Variants in DPEP1 observed in about 807,000 individuals in gnomAD.
DPEP1 encodes beta-lactamase.
A neutral mutation model predicts 42.3 loss-of-function variants in DPEP1; 50 were observed. That is an observed-to-expected ratio of 1.18 (90% CI 0.94 to 1.50). The LOEUF (loss-of-function observed/expected upper bound fraction) is 1.50. DPEP1 is among the 40% of genes most tolerant of loss of function. The pLI, the probability that DPEP1 is intolerant of heterozygous loss-of-function variation, is 0.00. For synonymous variants in DPEP1, 297 were observed against 234.0 expected, an observed-to-expected ratio of 1.27 and a Z score of -2.46; for missense variants, 663 against 553.0, an observed-to-expected ratio of 1.20 and a Z score of -1.99.
rs1195678145 is a variant in DPEP1 at position 89,637,479 on chromosome 16, C to T, written c.780C>T (p.Asp260=). ...TCCTTCTTGTGCAGAAACAGACAGACAGCCTGGTGATGGTGAACTTCTACA... is the reference window on the plus strand; with the variant it reads ...TCCTTCTTGTGCAGAAACAGACAGATAGCCTGGTGATGGTGAACTTCTACA... ...DDVLRLVKQT[D]SLVMVNFYNN... is the part of the protein sequence containing the mutation. The change falls in exon 8 of 11, where the codon GAC becomes GAT. Residue 260 remains aspartate, a synonymous_variant. Transcript: ENST00000690203. 5 of 1,612,746 alleles carry T rather than the reference C, an allele frequency of 3.1e-6. No individual in the cohort carries two copies. Among genetic ancestry groups the T allele is most frequent in the African/African-American group, 1.3e-5 (1 of 74,950 alleles).
intron 1 of DPEP1, chr16:89,616,857 C>G: frequency 4.4e-6 from 1 of 227,156 alleles, no homozygotes; most frequent in South Asian, 3.8e-5. Flanking sequence ...GGCCAGGAAG[C>G]AGGCAGGAAG....
intron 1 of DPEP1, among the ~76,000 whole-genome samples, chr16:89,626,103 AGGCCCT>A (rs1443296185): frequency 6.6e-6 from 1 of 152,132 alleles, no homozygotes; most frequent in African/African-American, 2.4e-5. Flanking sequence ...AGGCCCTGAG[AGGCCCT>A]GAGATTCTTG....
intron 1 of DPEP1, among the ~76,000 whole-genome samples, chr16:89,629,513 C>A (rs1166238164): frequency 6.6e-6 from 1 of 151,264 alleles, no homozygotes; most frequent in African/African-American, 2.4e-5. Context: ...CCCCCCACCC[C>A]CCCCCGAAGC....
Position 89,638,051 on chromosome 16 carries a change from G to C in DPEP1, c.1066-1G>C. ...CCCCACCCGTGTCTGTCTGTCCCCA[G>C]GCCAGCAACCTCACACAGGCTCCCG... is the stretch of plus-strand genomic sequence containing the variant. On this transcript the variant is annotated splice_acceptor_variant, in intron 10 of 10. Coordinates refer to ENST00000690203, the MANE Select transcript of DPEP1 (RefSeq NM_001389466.1). LOFTEE classifies it high-confidence loss of function. 1 of 1,612,072 alleles carries C rather than the reference G, an allele frequency of 6.2e-7. No individual in the cohort carries two copies. Among genetic ancestry groups the C allele is most frequent in the South Asian group, 1.1e-5 (1 of 91,006 alleles).
intron 2 of DPEP1, among the ~76,000 whole-genome samples, chr16:89,633,238 C>T (rs964942034): frequency 5.9e-5 from 9 of 152,132 alleles, no homozygotes; most frequent in African/African-American, 2.2e-4. Flanking sequence ...CACTCTGCTC[C>T]GAGGGCTGGG....
intron 1 of DPEP1, among the ~76,000 whole-genome samples, chr16:89,614,639 C>CA (rs1227710681): frequency 2.0e-5 from 3 of 152,092 alleles, no homozygotes; most frequent in Non-Finnish European, 2.9e-5. Context: ...ATAAAAAATA[C>CA]AAAAAATTAG....
At position 89,630,377 on chromosome 16, in the gene DPEP1, G is replaced by A. The variant is rs112476980; in HGVS notation, c.-34G>A. On this transcript the variant is annotated 5_prime_UTR_variant, in exon 2 of 11. Coordinates refer to ENST00000690203, the MANE Select transcript of DPEP1 (RefSeq NM_001389466.1). Reference sequence around the variant, plus strand: ...GCCAGGCCAGCACAGAGGCACCAGGGCAGCAGTGCACACAGGTCCCCGGGG... The same window carrying A: ...GCCAGGCCAGCACAGAGGCACCAGGACAGCAGTGCACACAGGTCCCCGGGG... 2.4e-5 allele frequency: 38 copies of A among 1,574,878 alleles called. No individual in the cohort carries two copies. Among genetic ancestry groups the A allele is most frequent in the Non-Finnish European group, 3.3e-5 (38 of 1,148,516 alleles).
Position 89,635,968 on chromosome 16 carries a change from G to A in DPEP1, c.165G>A (p.Arg55=), listed in dbSNP as rs1225743593. 1.2e-6 allele frequency: 2 copies of A among 1,612,300 alleles called. No homozygotes were observed. The highest frequency in any genetic ancestry group is 1.3e-5 in the African/African-American group (1 of 75,028). The stretch of plus-strand genomic sequence containing the variant: ...TCAACAACCGGCTGCAGGACGAGAG[G>A]GCCAACCTGACCACCTTGGCCGGCA... ...DMFNNRLQDE[R]ANLTTLAGTH... The change falls in exon 3 of 11, where the codon AGG becomes AGA. Residue 55 remains arginine, a synonymous_variant. Coordinates refer to ENST00000690203, the MANE Select transcript of DPEP1 (RefSeq NM_001389466.1).
At chr16:89,628,120 C>T (rs1447532748) in intron 1 of DPEP1, among the ~76,000 whole-genome samples, 1 of 151,994 alleles carries the variant, frequency 6.6e-6, no homozygotes, top group Non-Finnish European at 1.5e-5. Context: ...GACGGGGTTT[C>T]ACCATGTTAG....
chr16:89,623,376 G>A (rs2059469195), intron 1 of DPEP1, among the ~76,000 whole-genome samples: 1 of 152,148 alleles, frequency 6.6e-6, no homozygotes, highest in Admixed American at 6.5e-5. Flanking sequence ...AAAGCCTGGG[G>A]TCGAGAGCCC....
intron 1 of DPEP1, among the ~76,000 whole-genome samples, chr16:89,628,069 CCCG>C (rs1463522760): frequency 7.3e-5 from 11 of 150,860 alleles, no homozygotes; most frequent in Non-Finnish European, 1.5e-4. Flanking sequence ...ACTCCAGGCA[CCCG>C]CCACCATGCC....
chr16:89,641,325 G>GT (rs1184177891), downstream of DPEP1, among the ~76,000 whole-genome samples: 1 of 152,168 alleles, frequency 6.6e-6, no homozygotes, highest in Non-Finnish European at 1.5e-5. Context: ...GCTCTGCTAA[G>GT]TAACGGGTGC....
chr16:89,630,407 C>A lies in DPEP1; in HGVS notation c.-4C>A. 1.9e-6 allele frequency: 3 copies of A among 1,609,632 alleles called. No homozygotes were observed. The highest frequency in any genetic ancestry group is 2.5e-6 in the Non-Finnish European group (3 of 1,178,004). ...AGTGCACACAGGTCCCCGGGGACCC[C>A]ACCATGTGGAGCGGATGGTGGCTGT... On this transcript the variant is annotated 5_prime_UTR_variant, in exon 2 of 11. Coordinates refer to ENST00000690203, the MANE Select transcript of DPEP1 (RefSeq NM_001389466.1).
chr16:89,641,209 C>T (rs2059740112), downstream of DPEP1, among the ~76,000 whole-genome samples: 1 of 108,956 alleles, frequency 9.2e-6, no homozygotes, highest in Admixed American at 9.2e-5. Flanking sequence ...GGTTAGGCCT[C>T]CGGAGGGCTG....
At chr16:89,617,242 T>C (rs412335) in intron 1 of DPEP1, among the ~76,000 whole-genome samples, 148,943 of 152,202 alleles carry the variant, frequency 0.98, 72,946 homozygotes, top group East Asian at 1. Context: ...TCTCATGTGA[T>C]GCCCTGAGGA....
At chr16:89,614,686 T>G (rs1026122704) in intron 1 of DPEP1, among the ~76,000 whole-genome samples, 1 of 152,110 alleles carries the variant, frequency 6.6e-6, no homozygotes, top group Non-Finnish European at 1.5e-5. Flanking sequence ...TCCCAGCTAC[T>G]CGGGAGGCTG....
At chr16:89,627,742 C>T (rs1434181005) in intron 1 of DPEP1, among the ~76,000 whole-genome samples, 1 of 137,146 alleles carries the variant, frequency 7.3e-6, no homozygotes, top group African/African-American at 2.7e-5. Context: ...CTCACTGCAA[C>T]CTCCGCCTCC....
At chr16:89,623,646 C>G (rs558497076) in intron 1 of DPEP1, among the ~76,000 whole-genome samples, 1 of 152,198 alleles carries the variant, frequency 6.6e-6, no homozygotes, top group South Asian at 2.1e-4. Context: ...CTCCGGAGAC[C>G]AGACGCACAA....
rs990698311 is a variant in DPEP1 at position 89,637,953 on chromosome 16, C to T, written c.1047C>T (p.Val349=). Residue 349 remains valine (V), a synonymous_variant, in exon 10 of 11, where the codon GTC becomes GTT. Transcript: ENST00000690203. ...CACTGGCTGACAACCTGCTGAGGGT[C>T]TTCGAGGCTGTGGAACAGGTGAGGA... ...KGALADNLLR[V]FEAVEQASNL... is the part of the protein sequence containing the mutation. The T allele has an allele frequency of 6.2e-7, 1 of 1,609,534 alleles. No homozygotes were observed. Among genetic ancestry groups the T allele is most frequent in the Non-Finnish European group, 8.5e-7 (1 of 1,178,546 alleles).
Sources: allele counts gnomAD v4.1 joint callset (sites outside exome capture counted in the v4.1 genomes callset), GRCh38; gene constraint gnomAD v4.1.1; transcripts MANE v1.5; gene names NCBI Gene and HGNC (gene_info 2026-07-23, HGNC 2026-07-21).